The following LTV1 variants were observed in gnomAD, a reference collection of about 807,000 sequenced individuals.
LTV1 encodes the protein LTV1 ribosome biogenesis factor.
Under a neutral mutation model 59.9 loss-of-function variants are expected in LTV1, and 39 were observed. That is an observed-to-expected ratio of 0.65 (90% CI 0.50 to 0.85). The LOEUF is 0.85. LTV1 is among the 40% of genes least tolerant of loss of function. LTV1 has a pLI of 0.00. For missense variants in LTV1, 493 were observed against 549.1 expected (o/e 0.90, Z 1.02); for synonymous variants, 171 against 189.5 (o/e 0.90, Z 0.80).
intron 4 of LTV1, among the ~76,000 whole-genome samples, chr6:143,854,366 GTCTA>G (rs1176605070): frequency 6.6e-5 from 10 of 152,132 alleles, no homozygotes; most frequent in South Asian, 2.1e-4. Flanking sequence ...CTGGCTAGCA[GTCTA>G]TCTATTTTGT....
intron 6 of LTV1, 72 bp downstream of exon 6, chr6:143,858,079 T>G: frequency 7.0e-7 from 1 of 1,438,200 alleles, no homozygotes; most frequent in Non-Finnish European, 9.5e-7. Flanking sequence ...CCTGTCAGCT[T>G]TAGCCCAGGT....
rs1221624441 is a variant in LTV1, at chr6:143,857,782, G to A, written c.570G>A (p.Trp190Ter). 1 of 1,614,030 alleles carries A rather than the reference G, an allele frequency of 6.2e-7. No individual in the cohort carries two copies. Among genetic ancestry groups the A allele is most frequent in the Non-Finnish European group, 8.5e-7 (1 of 1,179,950 alleles). Residue 190 changes from tryptophan (W) to a stop codon, truncating the protein, a stop_gained, in exon 6 of 11, where the codon TGG becomes TGA. Transcript: ENST00000367576. LOFTEE classifies it high-confidence loss of function. This position sits in a 1 kb window ranked among gnomAD's most constrained non-coding sequence, Gnocchi z 5.2. ...QKSENEDDSE[W>*]EDVDDEKGDS... ...CTGAGAATGAAGATGACAGCGAGTG[G>A]GAAGATGTGGATGATGAGAAGGGAG...
At position 143,863,090 on chromosome 6, in the gene LTV1, A is replaced by C. The variant is rs41285031; in HGVS notation, c.1121A>C (p.Lys374Thr). 6.6e-3 allele frequency: 10,583 copies of C among 1,613,384 alleles called. 47 individuals carry two copies. The highest frequency in any genetic ancestry group is 7.5e-3 in the Non-Finnish European group (8,895 of 1,179,514). ...PQLIKYQPKP[K>T]QIRISSKTGI... ...ACCATTTTATCTGTATTTCAGCCCA[A>C]ACAAATTCGAATATCTTCTAAAACA... The change falls in exon 10 of 11, where the codon AAA (lysine) becomes ACA (threonine). Residue 374 changes from lysine to threonine, a missense_variant. Transcript: ENST00000367576. This position sits in a 1 kb window ranked among gnomAD's most constrained non-coding sequence, Gnocchi z 4.5.
intron 4 of LTV1, among the ~76,000 whole-genome samples, chr6:143,856,975 C>T (rs146319806): frequency 0.032 from 4,904 of 152,288 alleles, 91 homozygotes; most frequent in South Asian, 0.08. Flanking sequence ...CCGGGAGATC[C>T]GCTGCTCTCT....
At chr6:143,845,961 TA>T (rs2128490836) in intron 2 of LTV1, 89 bp from the exon 3 acceptor site, 1 of 1,265,518 alleles carries the variant, frequency 7.9e-7, no homozygotes, top group South Asian at 1.4e-5. Flanking sequence ...GTACTCATTG[TA>T]ATATTCCCAT....
chr6:143,851,097 A>G (rs1281713506), intron 4 of LTV1, among the ~76,000 whole-genome samples: 1 of 152,200 alleles, frequency 6.6e-6, no homozygotes. Context: ...GAACGTGAAT[A>G]TAGGTAACTA....
chr6:143,860,444 G>A lies in LTV1; in HGVS notation c.814G>A (p.Asp272Asn), dbSNP rs1196857354. The A allele has an allele frequency of 1.9e-6, 3 of 1,613,318 alleles. No individual in the cohort carries two copies. The highest frequency in any genetic ancestry group is 1.7e-5 in the Admixed American group (1 of 59,982). Residue 272 changes from aspartate (D) to asparagine (N), a missense_variant, in exon 7 of 11, where the codon GAT becomes AAT. Physicochemically the swap from Asp to Asn is conservative, Grantham distance 23 (BLOSUM62 1). Coordinates refer to ENST00000367576, the MANE Select transcript of LTV1 (RefSeq NM_032860.5). Reference protein sequence around the residue: ...RFEKFYEQYDDDEIGALDNAE... With the variant: ...RFEKFYEQYDNDEIGALDNAE... ...ATTCAAGTTTTATGAGCAATATGATGATGATGAAATTGGAGCTCTGGATAA... is the reference window on the plus strand; with the variant it reads ...ATTCAAGTTTTATGAGCAATATGATAATGATGAAATTGGAGCTCTGGATAA...
intron 4 of LTV1, among the ~76,000 whole-genome samples, chr6:143,851,378 C>T (rs1025330357): frequency 2.6e-5 from 4 of 151,886 alleles, no homozygotes; most frequent in South Asian, 2.1e-4. Context: ...TTATTAAAAT[C>T]GCAAAGTCAG....
chr6:143,852,975 T>C (rs536701079), intron 4 of LTV1, among the ~76,000 whole-genome samples: 1 of 152,200 alleles, frequency 6.6e-6, no homozygotes, highest in Admixed American at 6.5e-5. Context: ...ACTGTAGCCA[T>C]GTAGTATAGT....
intron 4 of LTV1, among the ~76,000 whole-genome samples, chr6:143,854,980 A>G (rs1777048585): frequency 6.6e-6 from 1 of 152,158 alleles, no homozygotes; most frequent in Non-Finnish European, 1.5e-5. Flanking sequence ...TCCAGGGCTG[A>G]GTTCAAGTCC....
At chr6:143,851,418 T>G (rs1266048966) in intron 4 of LTV1, among the ~76,000 whole-genome samples, 1 of 133,752 alleles carries the variant, frequency 7.5e-6, no homozygotes, top group African/African-American at 3.0e-5. Context: ...AGTCTAAAAA[T>G]TGTTCGAGTT....
intron 1 of LTV1, among the ~76,000 whole-genome samples, chr6:143,844,008 T>C (rs555273830): frequency 3.3e-5 from 5 of 152,334 alleles, no homozygotes; most frequent in South Asian, 2.1e-4. Flanking sequence ...TATTAAACTT[T>C]AGCTGTTTGT....
chr6:143,862,861 T>C lies in LTV1; in HGVS notation c.1081T>C (p.Tyr361His), dbSNP rs1436037591. 2.5e-6 allele frequency: 4 copies of C among 1,591,846 alleles called. No homozygotes were observed. The highest frequency in any genetic ancestry group is 3.4e-6 in the Non-Finnish European group (4 of 1,159,858). Reference sequence around the variant, plus strand: ...TTGTTTAGGTACATACTCAAATTTATATAACCATCCACAGCTTATCAAGTA... The same window carrying C: ...TTGTTTAGGTACATACTCAAATTTACATAACCATCCACAGCTTATCAAGTA... ...ESICSTYSNL[Y>H]NHPQLIKYQP... The change falls in exon 9 of 11, where the codon TAT (tyrosine) becomes CAT (histidine). Residue 361 changes from tyrosine to histidine, a missense_variant. By Grantham distance (83) the Tyr-to-His change is moderately conservative (BLOSUM62 2). Coordinates refer to ENST00000367576, the MANE Select transcript of LTV1 (RefSeq NM_032860.5). This position sits in a 1 kb window ranked among gnomAD's most constrained non-coding sequence, Gnocchi z 4.2.
chr6:143,863,448 T>G lies in LTV1; in HGVS notation c.1349T>G (p.Leu450Ter). The G allele has an allele frequency of 6.2e-7, 1 of 1,613,780 alleles. No homozygotes were observed. The change falls in exon 11 of 11, where the codon TTA becomes TGA. Residue 450 changes from leucine to a stop codon, truncating the protein, a stop_gained. Transcript: ENST00000367576. LOFTEE classifies it high-confidence loss of function. This position sits in a 1 kb window ranked among gnomAD's most constrained non-coding sequence, Gnocchi z 4.5. ...AGAGTGGAGAAGAAAGCTAACAAAT[T>G]AGCATTTAAACTGGAGAAAAGAAGG... is the stretch of plus-strand genomic sequence containing the variant. ...ERRVEKKANK[L>*]AFKLEKRRQE... is the part of the protein sequence containing the mutation.
chr6:143,859,980 G>A (rs1777136195), intron 6 of LTV1, among the ~76,000 whole-genome samples: 1 of 152,148 alleles, frequency 6.6e-6, no homozygotes, highest in African/African-American at 2.4e-5. Context: ...GCATGTGCCT[G>A]TGGTCCCAGC....
chr6:143,858,223 CTG>C (rs1256817455), intron 6 of LTV1: 4 of 561,108 alleles, frequency 7.1e-6, no homozygotes, highest in East Asian at 3.1e-5. Flanking sequence ...GAGCATAGAA[CTG>C]TGCAGAAGAA....
At chr6:143,851,794 A>C (rs556815501) in intron 4 of LTV1, among the ~76,000 whole-genome samples, 2 of 151,514 alleles carry the variant, frequency 1.3e-5, no homozygotes, top group African/African-American at 2.4e-5. Context: ...TCATTGTTCA[A>C]CTCCCACTTA....
chr6:143,859,174 G>A (rs1291784670), intron 6 of LTV1, among the ~76,000 whole-genome samples: 1 of 152,194 alleles, frequency 6.6e-6, no homozygotes, highest in Non-Finnish European at 1.5e-5. Flanking sequence ...CTGAGGAATA[G>A]AATGGAAGTA....
rs1392970022 is a variant in LTV1 at position 143,857,152 on chromosome 6, A to G, written c.398-151A>G. The G allele has an allele frequency of 1.1e-6, 1 of 926,046 alleles. No homozygotes were observed. The highest frequency in any genetic ancestry group is 1.6e-6 in the Non-Finnish European group (1 of 611,828). The allele number at this position is 926,046 out of a possible 1,614,324, so 57.4% of individuals were successfully genotyped here. A position where few individuals can be genotyped will look rare whatever the true frequency, so the allele number is the denominator to read the frequency against. On this transcript the variant is annotated intron_variant, in intron 4 of 10. Transcript: ENST00000367576. The surrounding 1 kb of genome is among the most constrained non-coding windows in gnomAD (Gnocchi z 5.2). ...TTTTGTCTTGGAGTGTTCATTCTTTATTCTTCACTAGACTGAACTTAGTTC... is the reference window on the plus strand; with the variant it reads ...TTTTGTCTTGGAGTGTTCATTCTTTGTTCTTCACTAGACTGAACTTAGTTC...
Sources: allele counts gnomAD v4.1 joint callset (sites outside exome capture counted in the v4.1 genomes callset), GRCh38; gene constraint gnomAD v4.1.1; non-coding constraint Gnocchi (gnomAD v3.1); transcripts MANE v1.5; gene names NCBI Gene and HGNC (gene_info 2026-07-23, HGNC 2026-07-21).